ABCA13: variants seen among roughly 807,000 people sequenced by gnomAD.
ABCA13 encodes ATP binding cassette subfamily A member 13, also known as ATP-binding cassette sub-family A member 13.
Under a neutral mutation model 478.7 loss-of-function variants are expected in ABCA13, and 476 were observed. That is an observed-to-expected ratio of 0.99 (90% CI 0.92 to 1.07). The LOEUF is 1.07. Ranked by LOEUF, ABCA13 falls within the 50% of genes least tolerant of loss-of-function variation. The pLI, the probability that ABCA13 is intolerant of heterozygous loss-of-function variation, is 0.00. For synonymous variants in ABCA13, 2,252 were observed against 2,158.9 expected, an observed-to-expected ratio of 1.04 and a Z score of -1.20; for missense variants, 6,060 against 5,910.6, an observed-to-expected ratio of 1.03 and a Z score of -0.83.
At chr7:48,593,949 G>A (rs900650174) in intron 57 of ABCA13, among the ~76,000 whole-genome samples, 1 of 151,866 alleles carries the variant, frequency 6.6e-6, no homozygotes, top group East Asian at 1.9e-4. Flanking sequence ...TATGTCATGA[G>A]CCTTTTTTTT....
chr7:48,510,061 A>G (rs975869266), intron 50 of ABCA13, among the ~76,000 whole-genome samples: 22 of 152,318 alleles, frequency 1.4e-4, no homozygotes, highest in Admixed American at 8.5e-4. Context: ...TAGCCCCCCA[A>G]ATGGTGTTGG....
chr7:48,205,669 T>G (rs1302811624), intron 3 of ABCA13, among the ~76,000 whole-genome samples: 1 of 152,244 alleles, frequency 6.6e-6, no homozygotes, highest in Non-Finnish European at 1.5e-5. Flanking sequence ...GAGATCCTGA[T>G]GCATTATTTA....
In ABCA13 at chr7:48,597,193, G is replaced by A. The variant is rs1001219374; in HGVS notation, c.14744+2380G>A. ...TCTCGATCTCCTGACCTTGTGATCC[G>A]CCCGCCTGGGCCTCCCAAAGTGCTG... On this transcript the variant is annotated intron_variant, in intron 58 of 61. Coordinates refer to ENST00000435803, the MANE Select transcript of ABCA13 (RefSeq NM_152701.5). Among the ~76,000 whole-genome samples the A allele has an allele frequency of 5.3e-5, 8 of 152,158 alleles. No individual in the cohort carries two copies. In the East Asian group the frequency reaches 1.4e-3, roughly 26 times the overall value.
chr7:48,249,773 T>G (rs535791413), intron 15 of ABCA13, among the ~76,000 whole-genome samples: 1 of 152,318 alleles, frequency 6.6e-6, no homozygotes, highest in African/African-American at 2.4e-5. Context: ...ACAAACTGTT[T>G]TTCTCTATAC....
At chr7:48,394,670 T>C (rs1585137960) in intron 38 of ABCA13, among the ~76,000 whole-genome samples, 1 of 152,328 alleles carries the variant, frequency 6.6e-6, no homozygotes, top group Non-Finnish European at 1.5e-5. Flanking sequence ...GTTGAATAAC[T>C]GGATTTTTTT....
chr7:48,322,529 G>A (rs567142419), intron 27 of ABCA13, among the ~76,000 whole-genome samples: 7 of 152,238 alleles, frequency 4.6e-5, no homozygotes, highest in African/African-American at 9.6e-5. Context: ...AGACAGCCAC[G>A]CCATGTCTCT....
chr7:48,343,180 G>A (rs1243665405), intron 29 of ABCA13, among the ~76,000 whole-genome samples: 1 of 151,794 alleles, frequency 6.6e-6, no homozygotes, highest in Non-Finnish European at 1.5e-5. Flanking sequence ...CATTATAAAT[G>A]GAAAATTGTA....
intron 1 of ABCA13, among the ~76,000 whole-genome samples, chr7:48,172,691 G>A (rs1583937836): frequency 6.7e-6 from 1 of 149,928 alleles, no homozygotes; most frequent in Non-Finnish European, 1.5e-5. Context: ...CCAGCTACGC[G>A]GGAGGCTGAG....
At chr7:48,246,073 A>G (rs1244623092) in intron 13 of ABCA13, 43 bp downstream of exon 13, 5 of 1,568,914 alleles carry the variant, frequency 3.2e-6, no homozygotes, top group Admixed American at 3.7e-5. Flanking sequence ...GCACAAATTT[A>G]AGATTAAATT....
chr7:48,334,127 G>A (rs1040253583), intron 27 of ABCA13, among the ~76,000 whole-genome samples: 2 of 151,962 alleles, frequency 1.3e-5, no homozygotes, highest in African/African-American at 4.8e-5. Flanking sequence ...GTGTGTGTAC[G>A]TGTGTGTGTG....
At chr7:48,644,595 T>A in intron 60 of ABCA13, 22 bp from the exon 61 acceptor site, 1 of 1,406,590 alleles carries the variant, frequency 7.1e-7, no homozygotes, top group Non-Finnish European at 9.6e-7. Context: ...GATACTTTTT[T>A]TTTTTTTTTT....
At chr7:48,388,059 C>A in intron 36 of ABCA13, 100 bp downstream of exon 36, 1 of 1,299,194 alleles carries the variant, frequency 7.7e-7, no homozygotes, top group Non-Finnish European at 1.0e-6. Context: ...CAAGTGTGTG[C>A]TGATTCCTAG....
intron 55 of ABCA13, among the ~76,000 whole-genome samples, chr7:48,529,315 C>A (rs1264842313): frequency 6.6e-6 from 1 of 152,210 alleles, no homozygotes; most frequent in African/African-American, 2.4e-5. Context: ...TCTGGTGATT[C>A]TTTCTCCACA....
rs1396325137 is a variant in ABCA13, at chr7:48,274,216, C to T, written c.4550C>T (p.Ser1517Phe). ...LTTDFDFASQ[S>F]NWRYFTELIL... ...ACAGACTTTGATTTTGCATCTCAGTCCAATTGGAGATATTTTACTGAATTA... is the reference window on the plus strand; with the variant it reads ...ACAGACTTTGATTTTGCATCTCAGTTCAATTGGAGATATTTTACTGAATTA... Residue 1517 changes from serine (S) to phenylalanine (F), a missense_variant, in exon 17 of 62, where the codon TCC becomes TTC. By Grantham distance (155) the Ser-to-Phe change is radical. Coordinates refer to ENST00000435803, the MANE Select transcript of ABCA13 (RefSeq NM_152701.5). 6.2e-7 allele frequency: 1 copy of T among 1,612,754 alleles called. No homozygotes were observed. The highest frequency in any genetic ancestry group is 8.5e-7 in the Non-Finnish European group (1 of 1,179,316).
At chr7:48,452,457 A>C (rs1362553353) in intron 42 of ABCA13, among the ~76,000 whole-genome samples, 1 of 151,916 alleles carries the variant, frequency 6.6e-6, no homozygotes, top group East Asian at 1.9e-4. Context: ...ATAAATCACC[A>C]CTCTCTGAGT....
At chr7:48,429,814 T>C (rs1821898655) in intron 42 of ABCA13, among the ~76,000 whole-genome samples, 1 of 152,202 alleles carries the variant, frequency 6.6e-6, no homozygotes. Flanking sequence ...TCTATTGAGA[T>C]GATCATTTGT....
At chr7:48,496,544 T>C (rs1046580176) in intron 48 of ABCA13, among the ~76,000 whole-genome samples, 4 of 152,158 alleles carry the variant, frequency 2.6e-5, no homozygotes, top group Non-Finnish European at 5.9e-5. Context: ...CATCTTTCCT[T>C]TTGTAAGTTC....
rs374973120 is a variant in ABCA13 at position 48,638,793 on chromosome 7, G to A, written c.14838-4495G>A. On this transcript the variant is annotated intron_variant, in intron 59 of 61. Transcript: ENST00000435803. ...TTTTGCATTTTATAGAGAGGAATTGGTATCCATTCTAGTCCATGTACAGGT... is the reference window on the plus strand; with the variant it reads ...TTTTGCATTTTATAGAGAGGAATTGATATCCATTCTAGTCCATGTACAGGT... Among the ~76,000 whole-genome samples, 3 of 152,128 alleles carry A rather than the reference G, an allele frequency of 2.0e-5. No individual in the cohort carries two copies. The South Asian group carries it at 6.2e-4, about 32-fold the overall frequency.
At chr7:48,410,975 T>TTC (rs373755985) in intron 40 of ABCA13, among the ~76,000 whole-genome samples, 25 of 144,866 alleles carry the variant, frequency 1.7e-4, no homozygotes, top group African/African-American at 6.1e-4. Flanking sequence ...AGAAATTCTT[T>TTC]TCTCTTTCTT....
Sources: gnomAD v4.1 joint callset for allele counts (sites outside exome capture counted in the v4.1 genomes callset) on GRCh38, gnomAD v4.1.1 for gene constraint, MANE v1.5 for transcripts, NCBI Gene and HGNC (gene_info 2026-07-23, HGNC 2026-07-21) for gene names.